Variants in SEPTIN6 observed in about 807,000 individuals in gnomAD.
SEPTIN6 encodes the protein septin 6.
Under a neutral mutation model 33.6 loss-of-function variants are expected in SEPTIN6, and 8 were observed. The ratio of observed to expected loss-of-function variants is 0.24; its 90% CI spans 0.14 to 0.43. The LOEUF (loss-of-function observed/expected upper bound fraction) is 0.43, where lower values mean the gene tolerates loss of function less well. Ranked by LOEUF, SEPTIN6 falls within the 20% of genes least tolerant of loss-of-function variation. The pLI is 1.00. For missense variants in SEPTIN6, 250 were observed against 340.8 expected (o/e 0.73, Z 2.10); for synonymous variants, 131 against 140.0 (o/e 0.94, Z 0.45).
intron 10 of SEPTIN6, among the ~76,000 whole-genome samples, chrX:119,620,312 T>G (rs2053727336): frequency 2.8e-5 from 3 of 107,309 alleles, no homozygotes; most frequent in African/African-American, 1.0e-4. Flanking sequence ...ACATTTTATC[T>G]TTCTTTCTTT....
chrX:119,677,407 G>A (rs1408347597), intron 1 of SEPTIN6, among the ~76,000 whole-genome samples: 7 of 112,218 alleles, frequency 6.2e-5, no homozygotes. Flanking sequence ...GGAGGGGAGG[G>A]GACAGGGGAG....
intron 3 of SEPTIN6, among the ~76,000 whole-genome samples, chrX:119,662,499 T>C (rs778921348): frequency 1.8e-5 from 2 of 111,897 alleles, no homozygotes; most frequent in Non-Finnish European, 3.8e-5. Context: ...CCTGTTGATA[T>C]TTACCTACTC....
At chrX:119,668,125 G>A (rs957638090) in intron 2 of SEPTIN6, among the ~76,000 whole-genome samples, 14 of 110,144 alleles carry the variant, frequency 1.3e-4, no homozygotes, top group Admixed American at 5.8e-4. Flanking sequence ...GTGAAATCCC[G>A]TCTCTACTAA....
chrX:119,635,483 C>T (rs777098498), intron 7 of SEPTIN6, among the ~76,000 whole-genome samples: 2 of 111,031 alleles, frequency 1.8e-5, no homozygotes, highest in Non-Finnish European at 3.8e-5. Flanking sequence ...GTGAAGAAAA[C>T]GAGCCTGCAA....
intron 4 of SEPTIN6, among the ~76,000 whole-genome samples, 167 bp from the exon 5 acceptor site, chrX:119,650,265 T>C (rs1471903217): frequency 8.9e-6 from 1 of 112,379 alleles, no homozygotes; most frequent in Non-Finnish European, 1.9e-5. Context: ...GTACTAACTA[T>C]GTGCTGGGCA....
chrX:119,649,038 G>C (rs1383779246), intron 5 of SEPTIN6, among the ~76,000 whole-genome samples: 2 of 110,643 alleles, frequency 1.8e-5, no homozygotes, highest in African/African-American at 6.6e-5. Flanking sequence ...GAAAGTGGGG[G>C]AGGAGAGGAA....
rs11260195 is a variant in SEPTIN6, at chrX:119,687,396, A to G, written c.30+5680T>C. 6.8e-3 allele frequency among the ~76,000 whole-genome samples: 743 copies of G among 108,999 alleles called. 2 individuals carry two copies. The highest frequency in any genetic ancestry group is 0.011 in the Non-Finnish European group (562 of 52,365). 94.7% of individuals were successfully genotyped at this position (108,999 alleles called of 115,157 possible). A position where few individuals can be genotyped will look rare whatever the true frequency, so the allele number is the denominator to read the frequency against. Reference sequence around the variant, plus strand: ...CTCCAGAGTAGCTGGGACTACAGGCACCCGCCACCACGCCCGGCTAATTTT... The same window carrying G: ...CTCCAGAGTAGCTGGGACTACAGGCGCCCGCCACCACGCCCGGCTAATTTT... On this transcript the variant is annotated intron_variant, in intron 1 of 10. Transcript: ENST00000394610.
chrX:119,619,720 T>C lies in SEPTIN6; in HGVS notation c.*373A>G, dbSNP rs1228844721. 67 of 951,015 alleles carry C rather than the reference T, an allele frequency of 7.0e-5. No homozygotes were observed. The highest frequency in any genetic ancestry group is 8.4e-5 in the Non-Finnish European group (64 of 763,709). 78.4% of individuals were successfully genotyped at this position (951,015 alleles called of 1,213,427 possible). A position where few individuals can be genotyped will look rare whatever the true frequency, so the allele number is the denominator to read the frequency against. ...CAGGGAAACTAACAGCAACCAGAAC[T>C]GGAACAGGGGAGCTGGTGGGAAAGA... On this transcript the variant is annotated 3_prime_UTR_variant, in exon 11 of 11. Transcript: ENST00000394610.
At chrX:119,654,616 A>G (rs2054408031) in intron 3 of SEPTIN6, among the ~76,000 whole-genome samples, 1 of 111,977 alleles carries the variant, frequency 8.9e-6, no homozygotes, top group South Asian at 3.7e-4. Flanking sequence ...CTTTTAAGAA[A>G]GAATCACAGG....
chrX:119,617,107 T>A lies in SEPTIN6; in HGVS notation c.*2986A>T. 1 of 163,295 alleles carries A rather than the reference T, an allele frequency of 6.1e-6. No individual in the cohort carries two copies. Among genetic ancestry groups the A allele is most frequent in the Non-Finnish European group, 7.2e-6 (1 of 139,210 alleles). The allele number at this position is 163,295 out of a possible 1,213,427, so 13.5% of individuals were successfully genotyped here. The stretch of plus-strand genomic sequence containing the variant: ...AGTGAGGGATGTGTGTACGTGTGTG[T>A]GTGTGTGTGTGTGTGTGTGTGTGTG... On this transcript the variant is annotated 3_prime_UTR_variant, in exon 11 of 11. Transcript: ENST00000394610.
chrX:119,652,311 A>G lies in SEPTIN6; in HGVS notation c.528+543T>C, dbSNP rs761247168. ...ATTATAACATGGGGTCACAGATCTG[A>G]GTGTCACAGAATCTGCACTCTACCA... On this transcript the variant is annotated intron_variant, in intron 4 of 10. Transcript: ENST00000394610. Among the ~76,000 whole-genome samples, 67 of 111,363 alleles carry G rather than the reference A, an allele frequency of 6.0e-4. 1 individual carries two copies. In the Admixed American group the frequency reaches 6.4e-3, roughly 11 times the overall value.
At chrX:119,677,398 G>C (rs1315163258) in intron 1 of SEPTIN6, among the ~76,000 whole-genome samples, 1 of 112,416 alleles carries the variant, frequency 8.9e-6, no homozygotes, top group Non-Finnish European at 1.9e-5. Flanking sequence ...GGCCACAGGG[G>C]AGGGGAGGGG....
At chrX:119,621,953 T>C (rs1603321316) in intron 10 of SEPTIN6, among the ~76,000 whole-genome samples, 1 of 110,985 alleles carries the variant, frequency 9.0e-6, no homozygotes, top group South Asian at 3.8e-4. Flanking sequence ...TTTACTCATC[T>C]TGCAAACTGG....
intron 5 of SEPTIN6, among the ~76,000 whole-genome samples, chrX:119,643,861 T>C (rs2054198388): frequency 9.0e-6 from 1 of 111,589 alleles, no homozygotes; most frequent in South Asian, 3.7e-4. Context: ...CCTGGCTACA[T>C]GGCATCTGCT....
At chrX:119,684,271 T>TTA (rs967955339) in intron 1 of SEPTIN6, among the ~76,000 whole-genome samples, 2 of 110,886 alleles carry the variant, frequency 1.8e-5, no homozygotes, top group Non-Finnish European at 3.8e-5. Flanking sequence ...TTATTACATA[T>TTA]TATATATATA....
At chrX:119,658,059 G>A (rs1203078470) in intron 3 of SEPTIN6, among the ~76,000 whole-genome samples, 1 of 111,675 alleles carries the variant, frequency 9.0e-6, no homozygotes, top group Non-Finnish European at 1.9e-5. Flanking sequence ...CCCGGGAGGC[G>A]GAGCTTGCAG....
chrX:119,692,938 G>A (rs2055203744), intron 1 of SEPTIN6, 138 bp downstream of exon 1: 2 of 616,088 alleles, frequency 3.2e-6, no homozygotes, highest in African/African-American at 2.2e-5. Flanking sequence ...TGCTGACCCC[G>A]GGAGCAGAAG....
intron 6 of SEPTIN6, among the ~76,000 whole-genome samples, chrX:119,639,962 CCTGA>C (rs1321442956): frequency 1.1e-4 from 7 of 65,818 alleles, no homozygotes; most frequent in Admixed American, 2.1e-4. Context: ...TGCCACCATA[CCTGA>C]CTAATTTTTT....
intron 8 of SEPTIN6, among the ~76,000 whole-genome samples, chrX:119,631,014 G>A (rs1192556354): frequency 9.0e-6 from 1 of 110,967 alleles, no homozygotes; most frequent in Non-Finnish European, 1.9e-5. Flanking sequence ...AGAGCAAGCC[G>A]AATTTCACTT....
Sources: gnomAD v4.1 joint callset for allele counts (sites outside exome capture counted in the v4.1 genomes callset) on GRCh38, gnomAD v4.1.1 for gene constraint, MANE v1.5 for transcripts, NCBI Gene and HGNC (gene_info 2026-07-23, HGNC 2026-07-21) for gene names.